NECAB3: variants seen among roughly 807,000 people sequenced by gnomAD.
The protein encoded by NECAB3 is N-terminal EF-hand calcium-binding protein 3.
Under a neutral mutation model 57.2 loss-of-function variants are expected in NECAB3, and 38 were observed. That is an observed-to-expected ratio of 0.66 (90% CI 0.51 to 0.87). The LOEUF (loss-of-function observed/expected upper bound fraction) is 0.87. Ranked by LOEUF, NECAB3 falls within the 40% of genes least tolerant of loss-of-function variation. NECAB3 has a pLI of 0.00. For synonymous variants in NECAB3, 223 were observed against 222.6 expected (o/e 1.00, Z -0.02); for missense variants, 474 against 527.5 (o/e 0.90, Z 0.99).
rs2017327055 is a variant in NECAB3 at position 33,657,677 on chromosome 20, G to T, written c.*152C>A. The T allele has an allele frequency of 4.4e-6, 3 of 684,270 alleles. No individual in the cohort carries two copies. Among genetic ancestry groups the T allele is most frequent in the Middle Eastern group, 4.2e-4 (1 of 2,384 alleles). 42.4% of individuals were successfully genotyped at this position (684,270 alleles called of 1,614,324 possible). A position where few individuals can be genotyped will look rare whatever the true frequency, so the allele number is the denominator to read the frequency against. Reference sequence around the variant, plus strand: ...ATCAATAATAAATAGAAAGCAAGCAGCCCAGTCCCTGATCCCTGGGCTGAG... The same window carrying T: ...ATCAATAATAAATAGAAAGCAAGCATCCCAGTCCCTGATCCCTGGGCTGAG... On this transcript the variant is annotated 3_prime_UTR_variant, in exon 12 of 12. Coordinates refer to ENST00000246190, the MANE Select transcript of NECAB3 (RefSeq NM_031232.4).
intron 5 of NECAB3, chr20:33,667,357 G>A: frequency 8.9e-7 from 1 of 1,129,350 alleles, no homozygotes; most frequent in South Asian, 2.4e-5. Flanking sequence ...AGGGCTGTGG[G>A]AGCGCCTGCT....
intron 5 of NECAB3, chr20:33,667,519 G>A (rs1266170898): frequency 6.5e-7 from 1 of 1,528,046 alleles, no homozygotes; most frequent in African/African-American, 1.4e-5. Context: ...CGCGTTGCTG[G>A]CGCTCTGCTC....
At chr20:33,663,566 G>C (rs771766237) in intron 5 of NECAB3, 16 of 1,610,786 alleles carry the variant, frequency 9.9e-6, no homozygotes, top group Non-Finnish European at 1.1e-5. Context: ...CTGGACAAGC[G>C]GCAGCCGCTG....
Position 33,660,157 on chromosome 20 carries a change from C to G in NECAB3, c.524+102G>C. 6.5e-7 allele frequency: 1 copy of G among 1,537,650 alleles called. No individual in the cohort carries two copies. Among genetic ancestry groups the G allele is most frequent in the Non-Finnish European group, 8.8e-7 (1 of 1,142,294 alleles). ...GCTACCCTGCCATGGCTTCCCCGCC[C>G]GAAAATGCAGGCTCCAGGATGCTGG... is the stretch of plus-strand genomic sequence containing the variant. On this transcript the variant is annotated intron_variant, in intron 6 of 11. Transcript: ENST00000246190. This position sits in a 1 kb window ranked among gnomAD's most constrained non-coding sequence, Gnocchi z 4.1.
In NECAB3 at chr20:33,657,465, G is replaced by A. The variant is rs1470526584; in HGVS notation, c.*364C>T. 1 of 279,450 alleles carries A rather than the reference G, an allele frequency of 3.6e-6. No homozygotes were observed. The highest frequency in any genetic ancestry group is 6.6e-6 in the Non-Finnish European group (1 of 151,726). The allele number at this position is 279,450 out of a possible 1,614,324, so 17.3% of individuals were successfully genotyped here. On this transcript the variant is annotated 3_prime_UTR_variant, in exon 12 of 12. Transcript: ENST00000246190. ...CAGAAGCCTGGTCCCAAGACAGCAGGAAGAAAGCAGGACCCTCGCTAGGCG... is the reference window on the plus strand; with the variant it reads ...CAGAAGCCTGGTCCCAAGACAGCAGAAAGAAAGCAGGACCCTCGCTAGGCG...
At chr20:33,664,020 C>CG (rs899630965) in intron 5 of NECAB3, 2 of 628,242 alleles carry the variant, frequency 3.2e-6, no homozygotes, top group African/African-American at 3.9e-5. Flanking sequence ...GCAGAGCCAT[C>CG]GCCACGGTCT....
In NECAB3 at chr20:33,674,387, C is replaced by A. The variant is rs979787829; in HGVS notation, c.-35G>T. Reference sequence around the variant, plus strand: ...ACCCGCTCGGGCTCGGCTGCGGTTGCTGCCGACCCTGGACGCCGCGGCGGA... The same window carrying A: ...ACCCGCTCGGGCTCGGCTGCGGTTGATGCCGACCCTGGACGCCGCGGCGGA... On this transcript the variant is annotated 5_prime_UTR_variant, in exon 1 of 12. Transcript: ENST00000246190. 2.3e-5 allele frequency: 27 copies of A among 1,149,542 alleles called. No individual in the cohort carries two copies. The highest frequency in any genetic ancestry group is 2.9e-5 in the Non-Finnish European group (27 of 935,504). 71.2% of individuals were successfully genotyped at this position (1,149,542 alleles called of 1,614,324 possible).
At chr20:33,658,155 G>A (rs570438729) in intron 10 of NECAB3, 122 bp from the exon 11 acceptor site, 30 of 859,846 alleles carry the variant, frequency 3.5e-5, no homozygotes, top group South Asian at 5.1e-5. Context: ...CCTGTGACAC[G>A]GGGAAGCTGT....
At chr20:33,664,157 C>G (rs1265338764) in intron 5 of NECAB3, 1 of 395,732 alleles carries the variant, frequency 2.5e-6, no homozygotes, top group Non-Finnish European at 4.4e-6. Flanking sequence ...CACATCCTGC[C>G]CAGTCTGCAG....
Position 33,662,250 on chromosome 20 carries a change from G to A in NECAB3, c.388-1855C>T, listed in dbSNP as rs139632455. 96 of 1,471,912 alleles carry A rather than the reference G, an allele frequency of 6.5e-5. No homozygotes were observed. The African/African-American group carries it at 1.2e-3, about 18-fold the overall frequency. The allele number at this position is 1,471,912 out of a possible 1,614,324, so 91.2% of individuals were successfully genotyped here. On this transcript the variant is annotated intron_variant, in intron 5 of 11. Coordinates refer to ENST00000246190, the MANE Select transcript of NECAB3 (RefSeq NM_031232.4). ...AAGGCGGTGCTCAGAGCCTGCAATT[G>A]GTGAGGTCAGCCCGTGAGGTCACAA...
Position 33,659,822 on chromosome 20 carries a change from C to T in NECAB3, c.643+63G>A, listed in dbSNP as rs2017404693. On this transcript the variant is annotated intron_variant, in intron 7 of 11. Transcript: ENST00000246190. Reference sequence around the variant, plus strand: ...AGTGAGGGGCAGTGAAGGAGCGGGCCCTGGGGGAAGGGGGGATGCGGTGCC... The same window carrying T: ...AGTGAGGGGCAGTGAAGGAGCGGGCTCTGGGGGAAGGGGGGATGCGGTGCC... The T allele has an allele frequency of 3.3e-6, 5 of 1,533,148 alleles. No individual in the cohort carries two copies. In the South Asian group the frequency reaches 6.0e-5, roughly 18 times the overall value. The allele number at this position is 1,533,148 out of a possible 1,614,324, so 95.0% of individuals were successfully genotyped here. A position where few individuals can be genotyped will look rare whatever the true frequency, so the allele number is the denominator to read the frequency against.
rs2017902935 is a variant in NECAB3, at chr20:33,674,323, GC to G, written c.29del (p.Cys10SerfsTer81). On this transcript the variant is annotated frameshift_variant, in exon 1 of 12. Transcript: ENST00000246190. LOFTEE classifies it high-confidence loss of function. ...GCTGGGGCGCGGGCGGCCGGAGCAG[GC>G]ACACGGTGAGCAGCCCCGCGCACGC... MACAGLLTV[C>X]LLRPPAPQPQ... 1 of 1,215,284 alleles carries G rather than the reference GC, an allele frequency of 8.2e-7. No individual in the cohort carries two copies. Among genetic ancestry groups the G allele is most frequent in the African/African-American group, 1.6e-5 (1 of 63,624 alleles). 75.3% of individuals were successfully genotyped at this position (1,215,284 alleles called of 1,614,324 possible). A position where few individuals can be genotyped will look rare whatever the true frequency, so the allele number is the denominator to read the frequency against.
In NECAB3 at chr20:33,671,821, G is replaced by C. The variant is rs147316964; in HGVS notation, c.154+577C>G. Among the ~76,000 whole-genome samples, 900 of 152,324 alleles carry C rather than the reference G, an allele frequency of 5.9e-3. 4 individuals are homozygous for C. The highest frequency in any genetic ancestry group is 9.2e-3 in the Non-Finnish European group (624 of 68,018). On this transcript the variant is annotated intron_variant, in intron 2 of 11. Transcript: ENST00000246190. Reference sequence around the variant, plus strand: ...ACCCAGCTTTATCCTTGCCCAAGGCGTGGGTTTAGTTGTGTCCTCCAAGAC... The same window carrying C: ...ACCCAGCTTTATCCTTGCCCAAGGCCTGGGTTTAGTTGTGTCCTCCAAGAC...
intron 10 of NECAB3, 121 bp from the exon 11 acceptor site, chr20:33,658,154 C>G: frequency 1.2e-6 from 1 of 862,562 alleles, no homozygotes; most frequent in Non-Finnish European, 1.8e-6. Context: ...CCCTGTGACA[C>G]GGGGAAGCTG....
rs142321751 is a variant in NECAB3 at position 33,668,067 on chromosome 20, C to G, written c.387+1308G>C. The G allele has an allele frequency of 9.5e-6, 15 of 1,573,754 alleles. No individual in the cohort carries two copies. In the East Asian group the frequency reaches 2.4e-4, roughly 25 times the overall value. On this transcript the variant is annotated intron_variant, in intron 5 of 11. Transcript: ENST00000246190. ...AGCTGGAGGCGCAGTGCCGGCGGCA[C>G]GGCTACGCGGCCCTGCGGCCCCACC...
rs1453457975 is a variant in NECAB3, at chr20:33,660,017, G to A, written c.525-14C>T. On this transcript the variant is annotated splice_polypyrimidine_tract_variant and intron_variant, in intron 6 of 11. Transcript: ENST00000246190. This position sits in a 1 kb window ranked among gnomAD's most constrained non-coding sequence, Gnocchi z 4.1. The stretch of plus-strand genomic sequence containing the variant: ...TCTGCATCTGACCTAGAGGAAGTGA[G>A]GCTCACAGGGCCGAGGACTGGGGCC... 6.4e-7 allele frequency: 1 copy of A among 1,571,972 alleles called. No homozygotes were observed.
intron 3 of NECAB3, among the ~76,000 whole-genome samples, 176 bp from the exon 4 acceptor site, chr20:33,669,888 G>A (rs2017791710): frequency 6.6e-6 from 1 of 152,170 alleles, no homozygotes; most frequent in Non-Finnish European, 1.5e-5. Context: ...TGGAGAATGG[G>A]TTCTACTGCC....
At chr20:33,659,267 C>T (rs2017379572) in intron 8 of NECAB3, among the ~76,000 whole-genome samples, 1 of 152,248 alleles carries the variant, frequency 6.6e-6, no homozygotes, top group African/African-American at 2.4e-5. Context: ...CCTCCAGCTT[C>T]CGTCCACACT....
chr20:33,659,489 G>A lies in NECAB3; in HGVS notation c.879+8C>T, dbSNP rs2017388502. 1 of 1,463,592 alleles carries A rather than the reference G, an allele frequency of 6.8e-7. No individual in the cohort carries two copies. Among genetic ancestry groups the A allele is most frequent in the East Asian group, 2.5e-5 (1 of 40,194 alleles). 90.7% of individuals were successfully genotyped at this position (1,463,592 alleles called of 1,614,324 possible). On this transcript the variant is annotated splice_region_variant and intron_variant, in intron 8 of 11. Coordinates refer to ENST00000246190, the MANE Select transcript of NECAB3 (RefSeq NM_031232.4). ...CCATCCAGCCGCTTGCCCCTCTCCT[G>A]GGCTCACCAAGTCAGGCCCCTTGGC...
Sources: allele counts gnomAD v4.1 joint callset (sites outside exome capture counted in the v4.1 genomes callset), GRCh38; gene constraint gnomAD v4.1.1; non-coding constraint Gnocchi (gnomAD v3.1); transcripts MANE v1.5; gene names NCBI Gene and HGNC (gene_info 2026-07-23, HGNC 2026-07-21).